The following NADK variants were observed in gnomAD, a reference collection of about 807,000 sequenced individuals.
NADK encodes the protein NAD kinase.
Under a neutral mutation model 49.8 loss-of-function variants are expected in NADK, and 22 were observed. The observed-to-expected ratio is 0.44, with a 90% CI of 0.32 to 0.63. NADK has a LOEUF of 0.63. Ranked by LOEUF, NADK falls within the 30% of genes least tolerant of loss-of-function variation. The pLI is 0.06. For missense variants in NADK, 438 were observed against 609.4 expected, an observed-to-expected ratio of 0.72 and a Z score of 2.96; for synonymous variants, 268 against 253.7, an observed-to-expected ratio of 1.06 and a Z score of -0.54.
At position 1,752,586 on chromosome 1, in the gene NADK, CGACT is replaced by C. The variant is rs1645359102; in HGVS notation, c.*314_*317del. ...CATTCTGACTCCTCTGAATTTCAAC[CGACT>C]GATTTGCGGAAAAATATCCTGGCAT... On this transcript the variant is annotated 3_prime_UTR_variant, in exon 12 of 12. Transcript: ENST00000341426. 1 of 275,298 alleles carries C rather than the reference CGACT, an allele frequency of 3.6e-6. No homozygotes were observed. Among genetic ancestry groups the C allele is most frequent in the African/African-American group, 2.2e-5 (1 of 45,800 alleles). The allele number at this position is 275,298 out of a possible 1,614,324, so 17.1% of individuals were successfully genotyped here. A position where few individuals can be genotyped will look rare whatever the true frequency, so the allele number is the denominator to read the frequency against.
intron 1 of NADK, among the ~76,000 whole-genome samples, chr1:1,772,765 C>T (rs1646089702): frequency 6.9e-6 from 1 of 144,988 alleles, no homozygotes; most frequent in Admixed American, 6.9e-5. Context: ...AAGGGCCGGG[C>T]ATGGTGGCTC....
chr1:1,763,389 TG>T (rs1311693495), intron 2 of NADK, among the ~76,000 whole-genome samples: 2 of 151,842 alleles, frequency 1.3e-5, no homozygotes, highest in African/African-American at 4.8e-5. Context: ...GAGGCTGAGG[TG>T]GGCGGATCAC....
chr1:1,768,391 C>A (rs1410382262), intron 1 of NADK, among the ~76,000 whole-genome samples: 2 of 151,942 alleles, frequency 1.3e-5, no homozygotes, highest in African/African-American at 4.8e-5. Flanking sequence ...AAAACAAAAA[C>A]AAAACCAAAA....
At chr1:1,763,545 G>A (rs1234196192) in intron 2 of NADK, among the ~76,000 whole-genome samples, 1 of 151,400 alleles carries the variant, frequency 6.6e-6, no homozygotes, top group Non-Finnish European at 1.5e-5. Flanking sequence ...CTTGAACTCG[G>A]GAGGCAGAGC....
At chr1:1,767,080 A>T (rs1373623612) in intron 1 of NADK, among the ~76,000 whole-genome samples, 1 of 151,894 alleles carries the variant, frequency 6.6e-6, no homozygotes, top group African/African-American at 2.4e-5. Context: ...ACGCTCAGCT[A>T]ATTTTTTTGA....
chr1:1,770,603 G>A (rs994670295), intron 1 of NADK, among the ~76,000 whole-genome samples: 2 of 152,046 alleles, frequency 1.3e-5, no homozygotes, highest in Admixed American at 6.6e-5. Context: ...ATGGTGGCGG[G>A]TGCCTGTAGT....
At chr1:1,759,122 A>C (rs772922321) in intron 3 of NADK, 1 of 1,552,562 alleles carries the variant, frequency 6.4e-7, no homozygotes. Flanking sequence ...GCCTACACCC[A>C]TTCCAGCCCT....
chr1:1,761,579 T>G (rs1464976629), intron 3 of NADK: 2 of 211,246 alleles, frequency 9.5e-6, no homozygotes, highest in Admixed American at 1.0e-4. Context: ...TCACTCACTC[T>G]TAAAGAAACA....
chr1:1,755,394 T>C lies in NADK; in HGVS notation c.668A>G (p.Gln223Arg). Residue 223 changes from glutamine (Q) to arginine (R), a missense_variant, in exon 7 of 12, where the codon CAA becomes CGA. Coordinates refer to ENST00000341426, the MANE Select transcript of NADK (RefSeq NM_023018.5). ...CTCACCCTCTATCACCTGAGTAACT[T>C]GGGACTGAAAGTTCTCAAAGCTGAA... ...TPFSFENFQS[Q>R]VTQVIEGNAA... 1 of 1,613,856 alleles carries C rather than the reference T, an allele frequency of 6.2e-7. No individual in the cohort carries two copies. The highest frequency in any genetic ancestry group is 8.5e-7 in the Non-Finnish European group (1 of 1,179,798).
At chr1:1,767,002 C>T (rs1211170907) in intron 1 of NADK, among the ~76,000 whole-genome samples, 3 of 152,006 alleles carry the variant, frequency 2.0e-5, no homozygotes, top group Non-Finnish European at 4.4e-5. Context: ...GCAACGTCTG[C>T]TTCCCGGGTT....
At position 1,754,407 on chromosome 1, in the gene NADK, A is replaced by T; in HGVS notation, c.844-24T>A. ...ACCTGGAGGGGCGACAGCATTGCAC[A>T]CTCAGGGCGGGGGATGCCGCACGGC... On this transcript the variant is annotated intron_variant, in intron 8 of 11. Transcript: ENST00000341426. This position sits in a 1 kb window ranked among gnomAD's most constrained non-coding sequence, Gnocchi z 4.3. 1 of 1,611,786 alleles carries T rather than the reference A, an allele frequency of 6.2e-7. No individual in the cohort carries two copies. The highest frequency in any genetic ancestry group is 8.5e-7 in the Non-Finnish European group (1 of 1,178,292).
At chr1:1,780,072 TA>T (rs1029362157), upstream of NADK, 4 of 152,276 alleles carry the variant, frequency 2.6e-5, no homozygotes, top group African/African-American at 9.6e-5. Flanking sequence ...GGGGATTTCT[TA>T]AGCTCTGTAA....
intron 3 of NADK, among the ~76,000 whole-genome samples, chr1:1,760,611 A>G (rs1034660935): frequency 6.6e-5 from 10 of 152,052 alleles, no homozygotes; most frequent in Admixed American, 2.0e-4. Flanking sequence ...GCGCTGGAAC[A>G]CTCGGCCCTT....
chr1:1,759,666 G>A, intron 3 of NADK: 1 of 1,485,714 alleles, frequency 6.7e-7, no homozygotes, highest in Non-Finnish European at 9.1e-7. Context: ...ACAGAGCCCA[G>A]AGGGGGCGTG....
rs577650862 is a variant in NADK, at chr1:1,752,597, C to T, written c.*307G>A. On this transcript the variant is annotated 3_prime_UTR_variant, in exon 12 of 12. Coordinates refer to ENST00000341426, the MANE Select transcript of NADK (RefSeq NM_023018.5). ...CTCTGAATTTCAACCGACTGATTTG[C>T]GGAAAAATATCCTGGCATGGAAATT... 5 of 298,178 alleles carry T rather than the reference C, an allele frequency of 1.7e-5. No homozygotes were observed. The highest frequency in any genetic ancestry group is 9.2e-5 in the South Asian group (1 of 10,870). The allele number at this position is 298,178 out of a possible 1,614,324, so 18.5% of individuals were successfully genotyped here. A position where few individuals can be genotyped will look rare whatever the true frequency, so the allele number is the denominator to read the frequency against.
Position 1,754,648 on chromosome 1 carries a change from C to G in NADK, c.739G>C (p.Glu247Gln), listed in dbSNP as rs142307360. 1,713 of 1,613,902 alleles carry G rather than the reference C, an allele frequency of 1.1e-3. 1 individual carries two copies. Among genetic ancestry groups the G allele is most frequent in the Non-Finnish European group, 1.4e-3 (1,625 of 1,179,990 alleles). The stretch of plus-strand genomic sequence containing the variant: ...ACGGCCGTCTTCTTCCCCCGGAGCT[C>G]CTTCACCACCCTGACCTTCAGCCGA... ...RSRLKVRVVK[E>Q]LRGKKTAVHN... Residue 247 changes from glutamate to glutamine, a missense_variant, in exon 8 of 12, where the codon GAG (glutamate) becomes CAG (glutamine). By Grantham distance (29) the Glu-to-Gln change is conservative. Coordinates refer to ENST00000341426, the MANE Select transcript of NADK (RefSeq NM_023018.5). This position sits in a 1 kb window ranked among gnomAD's most constrained non-coding sequence, Gnocchi z 4.3.
At position 1,764,688 on chromosome 1, in the gene NADK, C is replaced by T. The variant is rs953311885; in HGVS notation, c.179+540G>A. 9.9e-5 allele frequency among the ~76,000 whole-genome samples: 15 copies of T among 152,210 alleles called. No homozygotes were observed. The East Asian group carries it at 2.3e-3, about 24-fold the overall frequency. ...AGGCTGAGACGGGCAGATCACCTGA[C>T]GTCAGGGGTTCAAGACCAGCCTGGC... On this transcript the variant is annotated intron_variant, in intron 2 of 11. Coordinates refer to ENST00000341426, the MANE Select transcript of NADK (RefSeq NM_023018.5).
intron 1 of NADK, among the ~76,000 whole-genome samples, chr1:1,775,112 GAA>G (rs796232691): frequency 4.0e-4 from 50 of 124,964 alleles, no homozygotes; most frequent in African/African-American, 1.5e-3. Flanking sequence ...CCGCCTCAAA[GAA>G]AAAAAAAAAA....
At chr1:1,758,411 C>T in intron 3 of NADK, 1 of 1,611,988 alleles carries the variant, frequency 6.2e-7, no homozygotes, top group Non-Finnish European at 8.5e-7. Context: ...ATGCCATCCC[C>T]TATGAGCTCA....
Sources: gnomAD v4.1 joint callset for allele counts (sites outside exome capture counted in the v4.1 genomes callset) on GRCh38, gnomAD v4.1.1 for gene constraint, Gnocchi (gnomAD v3.1) non-coding constraint, MANE v1.5 for transcripts, NCBI Gene and HGNC (gene_info 2026-07-23, HGNC 2026-07-21) for gene names.